FAHD2B: variants seen among roughly 807,000 people sequenced by gnomAD.
FAHD2B encodes the protein fumarylacetoacetate hydrolase domain containing 2B.
A neutral mutation model predicts 33.7 loss-of-function variants in FAHD2B; 26 were observed. That is an observed-to-expected ratio of 0.77 (90% confidence interval 0.57 to 1.07). FAHD2B has a LOEUF of 1.07. Ranked by LOEUF, FAHD2B falls within the 50% of genes least tolerant of loss-of-function variation. The probability of loss-of-function intolerance (pLI) is 0.00; values close to 1 mark genes in which losing one functional copy is unlikely to be tolerated. For missense variants in FAHD2B, 272 were observed against 388.1 expected, an observed-to-expected ratio of 0.70 and a Z score of 2.51; for synonymous variants, 108 against 150.9, an observed-to-expected ratio of 0.72 and a Z score of 2.08.
chr2:97,082,548 C>G, downstream of FAHD2B: 1 of 1,596,164 alleles, frequency 6.3e-7, no homozygotes, highest in East Asian at 2.3e-5. Context: ...AGTGACAACC[C>G]AAGTCTAGGA....
downstream of FAHD2B, chr2:97,083,483 G>C (rs1481488898): frequency 4.1e-6 from 4 of 981,144 alleles, no homozygotes; most frequent in South Asian, 1.8e-5. Flanking sequence ...TCTTTTTGGC[G>C]TATGTGTGTG....
At chr2:97,081,147 G>A, downstream of FAHD2B, 1 of 1,471,418 alleles carries the variant, frequency 6.8e-7, no homozygotes, top group East Asian at 2.4e-5. Flanking sequence ...CGCCCCAGGG[G>A]CCCTGGGAGC....
At chr2:97,081,652 C>T (rs532662350), downstream of FAHD2B, 250 of 1,418,810 alleles carry the variant, frequency 1.8e-4, no homozygotes, top group Non-Finnish European at 2.2e-4. Context: ...GGCCTTGCAG[C>T]GGGGAAGCCT....
At chr2:97,094,252 C>T (rs888966162) in intron 1 of FAHD2B, among the ~76,000 whole-genome samples, 1 of 152,000 alleles carries the variant, frequency 6.6e-6, no homozygotes, top group African/African-American at 2.4e-5. Flanking sequence ...CACACACATG[C>T]AGGTTCATTC....
downstream of FAHD2B, chr2:97,082,470 T>A (rs1230444346): frequency 1.9e-6 from 3 of 1,612,876 alleles, no homozygotes; most frequent in African/African-American, 2.7e-5. Flanking sequence ...CTTCGGTGAG[T>A]CTCAACCAGT....
In FAHD2B at chr2:97,091,669, A is replaced by G. The variant is rs759704748; in HGVS notation, c.38T>C (p.Leu13Pro). 9.9e-6 allele frequency: 16 copies of G among 1,613,664 alleles called. No homozygotes were observed. Among genetic ancestry groups the G allele is most frequent in the Non-Finnish European group, 1.2e-5 (14 of 1,179,808 alleles). ...AAAGGGCCACTTCTGAGCCTGCAGCAGAGCTGTGAGTAATCTTCTTCTACC... is the reference window on the plus strand; with the variant it reads ...AAAGGGCCACTTCTGAGCCTGCAGCGGAGCTGTGAGTAATCTTCTTCTACC... ...VSGRRRLLTA[L>P]LQAQKWPFQP... The change falls in exon 3 of 9, where the codon CTG becomes CCG. Residue 13 changes from leucine (L) to proline (P), a missense_variant. By Grantham distance (98) the Leu-to-Pro change is moderately conservative. Transcript: ENST00000414820.
downstream of FAHD2B, chr2:97,083,498 T>C (rs2031740580): frequency 2.5e-6 from 2 of 785,926 alleles, no homozygotes; most frequent in Admixed American, 9.4e-5. Flanking sequence ...TGTGTGTATT[T>C]GCTCTCTTCT....
At chr2:97,086,892 AAT>A (rs1269558869) in intron 4 of FAHD2B, 1 of 152,252 alleles carries the variant, frequency 6.6e-6, no homozygotes, top group East Asian at 1.9e-4. Flanking sequence ...CCAGAAAGCA[AAT>A]ATATGCTAAA....
Position 97,087,971 on chromosome 2 carries a change from T to C in FAHD2B, c.463-1773A>G, listed in dbSNP as rs1385481444. Among the ~76,000 whole-genome samples, 6 of 152,070 alleles carry C rather than the reference T, an allele frequency of 3.9e-5. No individual in the cohort carries two copies. In the South Asian group the frequency reaches 1.3e-3, roughly 32 times the overall value. On this transcript the variant is annotated intron_variant, in intron 4 of 8. Coordinates refer to ENST00000414820, the MANE Select transcript of FAHD2B (RefSeq NM_001320848.2). ...GGGAAATGTATAACATCTTTGTAGA[T>C]CTCTTGATAAAAATGCTTACCCTGA...
At chr2:97,089,867 G>A (rs2443818) in intron 4 of FAHD2B, 63 of 602,532 alleles carry the variant, frequency 1.0e-4, no homozygotes, top group African/African-American at 6.9e-4. Flanking sequence ...TATGGGTGAC[G>A]TAATTTTTAA....
At chr2:97,085,903 C>G in intron 5 of FAHD2B, 42 bp from the exon 6 acceptor site, 5 of 1,611,474 alleles carry the variant, frequency 3.1e-6, no homozygotes, top group African/African-American at 1.3e-5. Flanking sequence ...GGTTAGATCA[C>G]GGGTGACACC....
At chr2:97,087,433 C>T (rs1180288839) in intron 4 of FAHD2B, among the ~76,000 whole-genome samples, 2 of 152,044 alleles carry the variant, frequency 1.3e-5, no homozygotes, top group East Asian at 3.9e-4. Flanking sequence ...TGCAGTGGCT[C>T]ATGCCCATAA....
chr2:97,082,323 C>T (rs2031674731), downstream of FAHD2B: 1 of 1,596,760 alleles, frequency 6.3e-7, no homozygotes, highest in African/African-American at 1.3e-5. Flanking sequence ...ACTGGTGAGG[C>T]CCTTGTTCCC....
chr2:97,084,093 A>T, intron 7 of FAHD2B, 58 bp from the exon 8 acceptor site: 2 of 1,613,282 alleles, frequency 1.2e-6, no homozygotes, highest in Non-Finnish European at 1.7e-6. Flanking sequence ...GCCACAGCCA[A>T]AGGTGGAGGG....
At chr2:97,088,895 AC>A (rs1205407318) in intron 4 of FAHD2B, among the ~76,000 whole-genome samples, 2 of 151,834 alleles carry the variant, frequency 1.3e-5, no homozygotes, top group East Asian at 3.9e-4. Flanking sequence ...TGTCACCCCA[AC>A]CCCTGCCAAA....
chr2:97,082,588 T>C (rs2031688959), downstream of FAHD2B: 1 of 1,575,410 alleles, frequency 6.3e-7, no homozygotes, highest in Non-Finnish European at 8.7e-7. Context: ...GACAGTCTTC[T>C]GTCCAGTCTG....
intron 1 of FAHD2B, among the ~76,000 whole-genome samples, chr2:97,092,959 C>A (rs1327902403): frequency 7.7e-6 from 1 of 129,198 alleles, no homozygotes; most frequent in Non-Finnish European, 1.6e-5. Flanking sequence ...GGCAACAGAG[C>A]GACTCCAAAA....
At chr2:97,083,159 C>G, downstream of FAHD2B, 3 of 1,589,358 alleles carry the variant, frequency 1.9e-6, no homozygotes, top group African/African-American at 1.3e-5. Flanking sequence ...CAGCAGACGC[C>G]GAGCCCTGCA....
At chr2:97,089,714 T>A (rs560057298) in intron 4 of FAHD2B, 3,716 of 192,922 alleles carry the variant, frequency 0.019, 132 homozygotes, top group African/African-American at 0.081. Flanking sequence ...TCAGGGAGAA[T>A]ATTTAATGGC....
Sources: allele counts gnomAD v4.1 joint callset (sites outside exome capture counted in the v4.1 genomes callset), GRCh38; gene constraint gnomAD v4.1.1; transcripts MANE v1.5; gene names NCBI Gene and HGNC (gene_info 2026-07-23, HGNC 2026-07-21).